The following PDCD6IP variants were observed in gnomAD, a reference collection of about 807,000 sequenced individuals.
PDCD6IP encodes programmed cell death 6 interacting protein.
A neutral mutation model predicts 103.7 loss-of-function variants in PDCD6IP; 43 were observed. The observed-to-expected ratio is 0.41, with a 90% CI of 0.32 to 0.53. PDCD6IP has a LOEUF of 0.53. Ranked by LOEUF, PDCD6IP falls within the 20% of genes least tolerant of loss-of-function variation. The pLI is 0.16. For missense variants in PDCD6IP, 871 were observed against 1,036.7 expected (o/e 0.84, Z 2.20); for synonymous variants, 354 against 378.7 (o/e 0.93, Z 0.76).
At chr3:33,819,511 G>C (rs1696940155) in intron 3 of PDCD6IP, among the ~76,000 whole-genome samples, 1 of 152,208 alleles carries the variant, frequency 6.6e-6, no homozygotes, top group Non-Finnish European at 1.5e-5. Context: ...AATAAAGTAG[G>C]TTAGAGTAGC....
chr3:33,800,381 C>G (rs1281465391), intron 1 of PDCD6IP, among the ~76,000 whole-genome samples: 1 of 152,058 alleles, frequency 6.6e-6, no homozygotes, highest in Non-Finnish European at 1.5e-5. Context: ...TGTTTGCACC[C>G]ATTTATGATG....
At chr3:33,864,579 A>T (rs759610227) in intron 16 of PDCD6IP, among the ~76,000 whole-genome samples, 1 of 152,234 alleles carries the variant, frequency 6.6e-6, no homozygotes, top group Non-Finnish European at 1.5e-5. Flanking sequence ...TGGTTTATAA[A>T]AATAGCTATA....
At chr3:33,803,134 T>C (rs1340740753) in intron 1 of PDCD6IP, among the ~76,000 whole-genome samples, 3 of 152,228 alleles carry the variant, frequency 2.0e-5, no homozygotes, top group East Asian at 3.8e-4. Flanking sequence ...TTTTAAATTC[T>C]TGTTTTAGTG....
intron 1 of PDCD6IP, among the ~76,000 whole-genome samples, chr3:33,800,568 A>C (rs920509694): frequency 2.6e-5 from 4 of 152,184 alleles, no homozygotes; most frequent in Non-Finnish European, 5.9e-5. Context: ...CAAATTTTAG[A>C]GCTACAACTG....
intron 1 of PDCD6IP, among the ~76,000 whole-genome samples, chr3:33,803,305 C>T (rs1050481048): frequency 2.0e-5 from 3 of 152,134 alleles, no homozygotes; most frequent in Non-Finnish European, 4.4e-5. Flanking sequence ...CTTGCTAATA[C>T]GTACTGATTA....
At chr3:33,810,210 A>G (rs1006476706) in intron 1 of PDCD6IP, among the ~76,000 whole-genome samples, 9 of 152,156 alleles carry the variant, frequency 5.9e-5, no homozygotes, top group African/African-American at 1.7e-4. Context: ...CATCTAGACT[A>G]TGGTACCGTA....
At chr3:33,801,749 C>G (rs755498364) in intron 1 of PDCD6IP, among the ~76,000 whole-genome samples, 6 of 152,162 alleles carry the variant, frequency 3.9e-5, no homozygotes, top group Non-Finnish European at 8.8e-5. Flanking sequence ...AATGGGAACC[C>G]TGCTGGTTTT....
At chr3:33,851,125 A>G (rs966111757) in intron 12 of PDCD6IP, among the ~76,000 whole-genome samples, 1 of 152,148 alleles carries the variant, frequency 6.6e-6, no homozygotes, top group African/African-American at 2.4e-5. Flanking sequence ...AAAGAGTAGA[A>G]TAGGAATTTT....
chr3:33,818,274 A>G (rs1250555668), intron 3 of PDCD6IP, among the ~76,000 whole-genome samples: 1 of 150,938 alleles, frequency 6.6e-6, no homozygotes, highest in Non-Finnish European at 1.5e-5. Context: ...CGCCTGGCGA[A>G]TTTTTGTATT....
At chr3:33,828,060 A>G (rs956052315) in intron 6 of PDCD6IP, 6 of 152,148 alleles carry the variant, frequency 3.9e-5, no homozygotes, top group Non-Finnish European at 7.4e-5. Context: ...TCCTAAAAGC[A>G]GTGAGGTTAC....
At chr3:33,827,519 C>A (rs1697155421) in intron 6 of PDCD6IP, 1 of 152,224 alleles carries the variant, frequency 6.6e-6, no homozygotes, top group Non-Finnish European at 1.5e-5. Flanking sequence ...ATTTAAGATA[C>A]ACCAAGAGCC....
chr3:33,838,038 CTTT>C (rs1354745386), intron 8 of PDCD6IP, among the ~76,000 whole-genome samples, 163 bp from the exon 9 acceptor site: 2 of 152,126 alleles, frequency 1.3e-5, no homozygotes, highest in Admixed American at 6.5e-5. Flanking sequence ...TAAAAATTCT[CTTT>C]ATCATTGTGC....
rs144773738 is a variant in PDCD6IP at position 33,837,424 on chromosome 3, A to G, written c.1058-780A>G. ...CAGGCACTCTTTAAGCACTTTACAA[A>G]TATTAGCTCATTTGTTTTCAGAAGT... On this transcript the variant is annotated intron_variant, in intron 8 of 17. Transcript: ENST00000307296. Among the ~76,000 whole-genome samples the G allele has an allele frequency of 9.1e-4, 138 of 152,260 alleles. 1 individual carries two copies. The East Asian group carries it at 0.021, about 23-fold the overall frequency.
intron 1 of PDCD6IP, among the ~76,000 whole-genome samples, chr3:33,803,464 C>T (rs998456095): frequency 2.6e-5 from 4 of 152,096 alleles, no homozygotes; most frequent in Non-Finnish European, 4.4e-5. Flanking sequence ...TTCTTTTGCC[C>T]ATTTTCTATT....
chr3:33,825,251 C>A lies in PDCD6IP; in HGVS notation c.527C>A (p.Thr176Asn). 6.2e-7 allele frequency: 1 copy of A among 1,613,584 alleles called. No individual in the cohort carries two copies. Among genetic ancestry groups the A allele is most frequent in the Non-Finnish European group, 8.5e-7 (1 of 1,179,740 alleles). ...TTATCTGCCTTAAGTCGAGAGCCGA[C>A]CGTGGACATATCTCCAGATACTGTT... ...TVLSALSREP[T>N]VDISPDTVGT... The change falls in exon 5 of 18, where the codon ACC becomes AAC. Residue 176 changes from threonine (T) to asparagine (N), a missense_variant. By Grantham distance (65) the Thr-to-Asn change is moderately conservative. Transcript: ENST00000307296.
chr3:33,856,184 G>A (rs1419689790), intron 15 of PDCD6IP, among the ~76,000 whole-genome samples: 2 of 152,154 alleles, frequency 1.3e-5, no homozygotes, highest in African/African-American at 4.8e-5. Flanking sequence ...ATCATCTTCC[G>A]CTCCCCTGTG....
chr3:33,842,864 T>TTAG (rs2125566929), intron 10 of PDCD6IP, among the ~76,000 whole-genome samples: 1 of 152,334 alleles, frequency 6.6e-6, no homozygotes, highest in Admixed American at 6.5e-5. Context: ...TGAATTGCAT[T>TTAG]TAGTGTTCAG....
At chr3:33,826,858 T>G (rs895974184) in intron 6 of PDCD6IP, 4 of 1,199,222 alleles carry the variant, frequency 3.3e-6, no homozygotes, top group African/African-American at 1.6e-5. Flanking sequence ...TTCAATACTT[T>G]TATCAAATCA....
At chr3:33,816,521 AAAAAAAAG>A (rs1204292258) in intron 3 of PDCD6IP, among the ~76,000 whole-genome samples, 3 of 151,490 alleles carry the variant, frequency 2.0e-5, no homozygotes, top group Non-Finnish European at 4.4e-5. Flanking sequence ...AAAAAAAAAA[AAAAAAAAG>A]AAAATATCTC....
Sources: gnomAD v4.1 joint callset for allele counts (sites outside exome capture counted in the v4.1 genomes callset) on GRCh38, gnomAD v4.1.1 for gene constraint, MANE v1.5 for transcripts, NCBI Gene and HGNC (gene_info 2026-07-23, HGNC 2026-07-21) for gene names.